Variants in ANKS1B observed in about 807,000 individuals in gnomAD.
ANKS1B encodes ankyrin repeat and sterile alpha motif domain containing 1B, also known as ankyrin repeat and sterile alpha motif domain-containing protein 1B.
A neutral mutation model predicts 148.3 loss-of-function variants in ANKS1B; 36 were observed. The observed-to-expected ratio is 0.24, with a 90% CI of 0.19 to 0.32. ANKS1B has a LOEUF of 0.32. ANKS1B is among the 10% of genes least tolerant of loss of function. The pLI, the probability that ANKS1B is intolerant of heterozygous loss-of-function variation, is 1.00. For synonymous variants in ANKS1B, 542 were observed against 560.8 expected, an observed-to-expected ratio of 0.97 and a Z score of 0.47; for missense variants, 1,157 against 1,542.6, an observed-to-expected ratio of 0.75 and a Z score of 4.19.
intron 1 of ANKS1B, among the ~76,000 whole-genome samples, chr12:99,852,192 T>C (rs549841704): frequency 2.6e-5 from 4 of 152,198 alleles, no homozygotes; most frequent in African/African-American, 9.6e-5. Flanking sequence ...ACCTTACGGG[T>C]TTTCTCATAA....
At chr12:98,846,353 T>C (rs150639562) in intron 17 of ANKS1B, among the ~76,000 whole-genome samples, 3,113 of 152,298 alleles carry the variant, frequency 0.02, 52 homozygotes, top group Non-Finnish European at 0.035. Context: ...AAAGAATCCA[T>C]TTGGGGGAAG....
At position 99,781,906 on chromosome 12, in the gene ANKS1B, T is replaced by C. The variant is rs2064371134; in HGVS notation, c.745+116A>G. 4 of 834,858 alleles carry C rather than the reference T, an allele frequency of 4.8e-6. No individual in the cohort carries two copies. The South Asian group carries it at 5.3e-5, about 11-fold the overall frequency. The allele number at this position is 834,858 out of a possible 1,614,324, so 51.7% of individuals were successfully genotyped here. On this transcript the variant is annotated intron_variant, in intron 5 of 26. Coordinates refer to ENST00000683438, the MANE Select transcript of ANKS1B (RefSeq NM_001352186.2). The stretch of plus-strand genomic sequence containing the variant: ...ATAATATGAATACATATCTGCATTT[T>C]AGAGTAAAGGCAAGAGGGTGATTTG...
chr12:99,193,370 A>C (rs1384345879), intron 14 of ANKS1B, among the ~76,000 whole-genome samples: 1 of 152,218 alleles, frequency 6.6e-6, no homozygotes, highest in African/African-American at 2.4e-5. Flanking sequence ...CTATACCCAG[A>C]AACTAAGAAA....
chr12:99,028,765 A>G (rs1227404926), intron 17 of ANKS1B, among the ~76,000 whole-genome samples: 1 of 152,212 alleles, frequency 6.6e-6, no homozygotes, highest in Non-Finnish European at 1.5e-5. Flanking sequence ...CTAATTGCTC[A>G]TTACCTAAGG....
intron 10 of ANKS1B, among the ~76,000 whole-genome samples, chr12:99,475,605 T>C (rs1032243804): frequency 6.6e-6 from 1 of 151,826 alleles, no homozygotes; most frequent in Non-Finnish European, 1.5e-5. Context: ...TTTTTTATAA[T>C]TCCATTTTTT....
chr12:99,605,880 C>A (rs985279266), intron 9 of ANKS1B, among the ~76,000 whole-genome samples: 2 of 151,950 alleles, frequency 1.3e-5, no homozygotes, highest in Middle Eastern at 3.2e-3. Context: ...AATATGGTAG[C>A]TCTATTTTTA....
chr12:98,772,967 A>G (rs2153479388), intron 25 of ANKS1B, 75 bp downstream of exon 25: 2 of 1,533,928 alleles, frequency 1.3e-6, no homozygotes, highest in Non-Finnish European at 8.9e-7. Flanking sequence ...TGTGTTAATT[A>G]TAAGTTGGGC....
intron 17 of ANKS1B, among the ~76,000 whole-genome samples, chr12:99,027,415 G>A (rs1407490068): frequency 6.6e-6 from 1 of 152,174 alleles, no homozygotes; most frequent in East Asian, 1.9e-4. Flanking sequence ...GGCCTACCAT[G>A]TGCTGATCAG....
chr12:99,337,762 G>A (rs553296991), intron 12 of ANKS1B, among the ~76,000 whole-genome samples: 2 of 152,318 alleles, frequency 1.3e-5, no homozygotes, highest in East Asian at 3.9e-4. Flanking sequence ...GAGACTTACA[G>A]AGGTCCAGCC....
intron 12 of ANKS1B, among the ~76,000 whole-genome samples, chr12:99,301,738 C>T (rs768327763): frequency 6.6e-6 from 1 of 151,914 alleles, no homozygotes; most frequent in Admixed American, 6.6e-5. Context: ...AAAACATAAC[C>T]ATAAAATCAT....
intron 24 of ANKS1B, among the ~76,000 whole-genome samples, chr12:98,780,015 C>T (rs545739050): frequency 1.3e-5 from 2 of 152,288 alleles, no homozygotes; most frequent in Admixed American, 6.5e-5. Flanking sequence ...CAATCTCTTT[C>T]GTCACAGAAA....
At chr12:99,114,240 C>T (rs575747816) in intron 15 of ANKS1B, among the ~76,000 whole-genome samples, 2 of 152,154 alleles carry the variant, frequency 1.3e-5, no homozygotes, top group Non-Finnish European at 2.9e-5. Flanking sequence ...GATTGTTTAA[C>T]CATGGAATAC....
chr12:99,211,716 G>T (rs527680431), intron 14 of ANKS1B, among the ~76,000 whole-genome samples: 3 of 152,314 alleles, frequency 2.0e-5, no homozygotes, highest in South Asian at 4.1e-4. Context: ...TTGAACACAT[G>T]ACATCAAGTG....
intron 6 of ANKS1B, among the ~76,000 whole-genome samples, chr12:99,777,117 C>T (rs1401451242): frequency 2.6e-5 from 4 of 152,208 alleles, no homozygotes; most frequent in Admixed American, 2.6e-4. Context: ...TAGTTTGTAG[C>T]CTCTGTATAA....
At chr12:98,967,178 G>A (rs767641390) in intron 17 of ANKS1B, among the ~76,000 whole-genome samples, 1 of 152,102 alleles carries the variant, frequency 6.6e-6, no homozygotes, top group African/African-American at 2.4e-5. Flanking sequence ...CTACCTAAAG[G>A]CTCCTTCTGA....
chr12:99,082,566 G>C lies in ANKS1B; in HGVS notation c.2625+2359C>G, dbSNP rs183766784. Among the ~76,000 whole-genome samples, 551 of 152,172 alleles carry C rather than the reference G, an allele frequency of 3.6e-3. 1 individual carries two copies. The highest frequency in any genetic ancestry group is 5.9e-3 in the Non-Finnish European group (402 of 67,986). ...CTGTATAGAAATTCAATTATAGAGG[G>C]GTAAGAAGGTAACCTGGACAGAGGT... On this transcript the variant is annotated intron_variant, in intron 16 of 26. Transcript: ENST00000683438.
chr12:99,580,607 G>A (rs920987101), intron 9 of ANKS1B, among the ~76,000 whole-genome samples: 1 of 152,176 alleles, frequency 6.6e-6, no homozygotes, highest in East Asian at 1.9e-4. Context: ...AGCGAAGCGG[G>A]GGATGGTGAA....
intron 12 of ANKS1B, among the ~76,000 whole-genome samples, chr12:99,251,282 T>C (rs2074552946): frequency 6.6e-6 from 1 of 152,228 alleles, no homozygotes; most frequent in African/African-American, 2.4e-5. Flanking sequence ...TCTATAGGGT[T>C]TCATTTTTAT....
At chr12:98,756,553 A>G (rs2098247778) in intron 25 of ANKS1B, among the ~76,000 whole-genome samples, 1 of 115,122 alleles carries the variant, frequency 8.7e-6, no homozygotes, top group South Asian at 3.1e-4. Flanking sequence ...CCTACTAAAA[A>G]TACAAAAAAA....
Sources: gnomAD v4.1 joint callset for allele counts (sites outside exome capture counted in the v4.1 genomes callset) on GRCh38, gnomAD v4.1.1 for gene constraint, MANE v1.5 for transcripts, NCBI Gene and HGNC (gene_info 2026-07-23, HGNC 2026-07-21) for gene names.